Variants in PTPRG observed in about 807,000 individuals in gnomAD.
PTPRG encodes the protein protein tyrosine phosphatase receptor type G.
Under a neutral mutation model 165.3 loss-of-function variants are expected in PTPRG, and 102 were observed. The observed-to-expected ratio is 0.62, with a 90% CI of 0.53 to 0.73. PTPRG has a LOEUF of 0.73. Ranked by LOEUF, PTPRG falls within the 30% of genes least tolerant of loss-of-function variation. The pLI, the probability that PTPRG is intolerant of heterozygous loss-of-function variation, is 0.00. For missense variants in PTPRG, 1,866 were observed against 1,861.4 expected (o/e 1.00, Z -0.05); for synonymous variants, 675 against 669.5 (o/e 1.01, Z -0.13).
intron 2 of PTPRG, among the ~76,000 whole-genome samples, chr3:61,869,419 A>T (rs1184165061): frequency 2.0e-5 from 3 of 152,056 alleles, no homozygotes; most frequent in Non-Finnish European, 4.4e-5. Context: ...AAATGTCATG[A>T]CCCAGAATGA....
chr3:61,651,706 G>GT (rs1702358754), intron 1 of PTPRG, among the ~76,000 whole-genome samples: 1 of 152,146 alleles, frequency 6.6e-6, no homozygotes, highest in African/African-American at 2.4e-5. Flanking sequence ...ATTGATCCAT[G>GT]TAAGTCATGT....
chr3:61,582,138 CTGTATTTTT>C (rs1020144131), intron 1 of PTPRG, among the ~76,000 whole-genome samples: 1 of 151,500 alleles, frequency 6.6e-6, no homozygotes, highest in African/African-American at 2.4e-5. Context: ...CGGCTGATTT[CTGTATTTTT>C]TGTAGAGACA....
At chr3:61,737,666 C>A (rs1438502720) in intron 1 of PTPRG, among the ~76,000 whole-genome samples, 2 of 152,044 alleles carry the variant, frequency 1.3e-5, no homozygotes, top group Non-Finnish European at 2.9e-5. Flanking sequence ...AGGTCCACCC[C>A]CTTCATGATA....
chr3:62,077,283 A>T (rs553593348), intron 4 of PTPRG, among the ~76,000 whole-genome samples: 161 of 151,658 alleles, frequency 1.1e-3, no homozygotes, highest in African/African-American at 3.7e-3. Flanking sequence ...TGTTTAAAAA[A>T]AAAAAAAACA....
At chr3:61,571,806 A>C (rs767682115) in intron 1 of PTPRG, among the ~76,000 whole-genome samples, 7 of 152,176 alleles carry the variant, frequency 4.6e-5, no homozygotes, top group Non-Finnish European at 8.8e-5. Flanking sequence ...TAACTTCAGG[A>C]AAGGTCTGAG....
intron 4 of PTPRG, among the ~76,000 whole-genome samples, chr3:62,036,044 CAAA>C (rs77250969): frequency 8.5e-6 from 1 of 117,756 alleles, no homozygotes. Flanking sequence ...TGTCAGTGAC[CAAA>C]AAAAAAAAAA....
intron 1 of PTPRG, among the ~76,000 whole-genome samples, chr3:61,686,688 A>C (rs1019854033): frequency 6.6e-6 from 1 of 152,226 alleles, no homozygotes; most frequent in Non-Finnish European, 1.5e-5. Flanking sequence ...ATACTATGCT[A>C]AATAATGGCA....
At chr3:61,897,393 A>AG (rs1365242119) in intron 2 of PTPRG, among the ~76,000 whole-genome samples, 1 of 152,046 alleles carries the variant, frequency 6.6e-6, no homozygotes. Flanking sequence ...AAATGAGTTG[A>AG]GCATATTTGT....
chr3:61,733,159 G>A (rs1386475895), intron 1 of PTPRG, among the ~76,000 whole-genome samples: 2 of 152,172 alleles, frequency 1.3e-5, no homozygotes, highest in African/African-American at 4.8e-5. Context: ...GAATTGTCCA[G>A]GAGAAACCCA....
chr3:61,962,902 G>A (rs1316826964), intron 2 of PTPRG, among the ~76,000 whole-genome samples: 2 of 152,014 alleles, frequency 1.3e-5, no homozygotes, highest in Non-Finnish European at 2.9e-5. Flanking sequence ...TTTAGTTTTT[G>A]TAATTTAATT....
chr3:61,917,962 A>G (rs1273338689), intron 2 of PTPRG, among the ~76,000 whole-genome samples: 1 of 140,136 alleles, frequency 7.1e-6, no homozygotes, highest in African/African-American at 2.5e-5. Context: ...TAAATAAAAG[A>G]AGAAGAAGAG....
chr3:61,816,099 A>C (rs2035754823), intron 2 of PTPRG, among the ~76,000 whole-genome samples: 1 of 152,214 alleles, frequency 6.6e-6, no homozygotes, highest in Non-Finnish European at 1.5e-5. Context: ...AGTATCATCT[A>C]GTCAAGCTCC....
chr3:61,754,686 A>C (rs1434151830), intron 2 of PTPRG, among the ~76,000 whole-genome samples: 1 of 152,318 alleles, frequency 6.6e-6, no homozygotes, highest in South Asian at 2.1e-4. Flanking sequence ...GGTGATTTGC[A>C]AAAGGTTTCA....
chr3:62,022,866 C>T (rs533382284), intron 4 of PTPRG, among the ~76,000 whole-genome samples: 7 of 152,090 alleles, frequency 4.6e-5, no homozygotes, highest in Non-Finnish European at 1.0e-4. Context: ...TATTATTTTA[C>T]TAAATAAAAA....
chr3:61,891,078 G>A (rs1310705547), intron 2 of PTPRG, among the ~76,000 whole-genome samples: 1 of 152,046 alleles, frequency 6.6e-6, no homozygotes, highest in Non-Finnish European at 1.5e-5. Flanking sequence ...CCAGCACCTT[G>A]GGAGGCTGAG....
intron 4 of PTPRG, among the ~76,000 whole-genome samples, chr3:62,063,971 G>A (rs1211942688): frequency 6.6e-6 from 1 of 152,192 alleles, no homozygotes; most frequent in South Asian, 2.1e-4. Flanking sequence ...GCTAGGGGCT[G>A]ATGGATGCAT....
intron 5 of PTPRG, among the ~76,000 whole-genome samples, chr3:62,127,186 T>A (rs1030500462): frequency 6.6e-6 from 1 of 152,222 alleles, no homozygotes; most frequent in African/African-American, 2.4e-5. Flanking sequence ...GATCTCTTTC[T>A]GGGTAAGGGC....
At chr3:62,037,290 GT>G (rs1699977686) in intron 4 of PTPRG, among the ~76,000 whole-genome samples, 2 of 152,162 alleles carry the variant, frequency 1.3e-5, no homozygotes, top group Admixed American at 6.5e-5. Flanking sequence ...AGATCACCAG[GT>G]TGGTGGAACT....
At chr3:61,706,125 C>T (rs188976149) in intron 1 of PTPRG, among the ~76,000 whole-genome samples, 99 of 152,082 alleles carry the variant, frequency 6.5e-4, no homozygotes, top group African/African-American at 2.2e-3. Context: ...TGCCATCTAT[C>T]GACACTTTGC....
Sources: gnomAD v4.1 joint callset for allele counts (sites outside exome capture counted in the v4.1 genomes callset) on GRCh38, gnomAD v4.1.1 for gene constraint, MANE v1.5 for transcripts, NCBI Gene and HGNC (gene_info 2026-07-23, HGNC 2026-07-21) for gene names.